Variants in ANO3 observed in about 807,000 individuals in gnomAD.
The protein encoded by ANO3 is anoctamin-3.
ANO3 carries 99 observed loss-of-function variants against 144.8 expected under a neutral mutation model. That is an observed-to-expected ratio of 0.68 (90% CI 0.58 to 0.81). The LOEUF is 0.81. ANO3 is among the 30% of genes least tolerant of loss of function. The pLI is 0.00. For synonymous variants in ANO3, 414 were observed against 392.6 expected (o/e 1.05, Z -0.64); for missense variants, 905 against 1,202.2 (o/e 0.75, Z 3.66).
intron 1 of ANO3, among the ~76,000 whole-genome samples, chr11:26,199,279 A>G (rs1851647545): frequency 6.6e-6 from 1 of 152,154 alleles, no homozygotes; most frequent in Non-Finnish European, 1.5e-5. Context: ...AGCCTCATAT[A>G]GAAATTTAAT....
intron 3 of ANO3, among the ~76,000 whole-genome samples, chr11:26,458,074 GTATTGTAATTTAGTGC>G (rs1859236016): frequency 6.6e-6 from 1 of 152,014 alleles, no homozygotes; most frequent in Admixed American, 6.6e-5. Flanking sequence ...ATAATATTTG[GTATTGTAATTTAGTGC>G]TATTGCTTAA....
At chr11:26,292,408 T>G (rs1187777897) in intron 1 of ANO3, among the ~76,000 whole-genome samples, 1 of 152,192 alleles carries the variant, frequency 6.6e-6, no homozygotes, top group Non-Finnish European at 1.5e-5. Context: ...GAAGCCCACT[T>G]CTGTCAACTC....
At chr11:26,222,369 A>T (rs1447039529) in intron 1 of ANO3, among the ~76,000 whole-genome samples, 1 of 152,188 alleles carries the variant, frequency 6.6e-6, no homozygotes, top group Non-Finnish European at 1.5e-5. Context: ...TGCAGCCCCC[A>T]TGGATACTCT....
intron 18 of ANO3, among the ~76,000 whole-genome samples, chr11:26,633,714 G>A (rs1364690113): frequency 6.6e-6 from 1 of 152,210 alleles, no homozygotes; most frequent in East Asian, 1.9e-4. Context: ...AGTGTGAACA[G>A]TAGATATTAT....
At chr11:26,540,172 A>T (rs1207310930) in intron 10 of ANO3, among the ~76,000 whole-genome samples, 2 of 152,296 alleles carry the variant, frequency 1.3e-5, no homozygotes, top group East Asian at 3.9e-4. Flanking sequence ...TGAAAAAAAA[A>T]TCCTTCAATT....
In ANO3 at chr11:26,634,095, A is replaced by T. The variant is rs79764198; in HGVS notation, c.1874-109A>T. On this transcript the variant is annotated intron_variant, in intron 18 of 26. Coordinates refer to ENST00000256737, the MANE Select transcript of ANO3 (RefSeq NM_031418.4). ...ACTCCATTTCCAAAAAAAAAAAAAA[A>T]AAATTAAATTAAAAAGACAAACTTG... 0.32 allele frequency: 166,263 copies of T among 516,172 alleles called. 22,284 individuals carry two copies. The highest frequency in any genetic ancestry group is 0.35 in the Non-Finnish European group (104,357 of 296,930). The allele number at this position is 516,172 out of a possible 1,614,324, so 32.0% of individuals were successfully genotyped here. A position where few individuals can be genotyped will look rare whatever the true frequency, so the allele number is the denominator to read the frequency against.
At chr11:26,446,110 G>GCATGAGCCA (rs1858694583) in intron 3 of ANO3, among the ~76,000 whole-genome samples, 1 of 152,286 alleles carries the variant, frequency 6.6e-6, no homozygotes, top group East Asian at 1.9e-4. Flanking sequence ...GGGATTACGG[G>GCATGAGCCA]CATGAGCCAC....
chr11:26,299,659 C>T (rs1393981627), intron 1 of ANO3, among the ~76,000 whole-genome samples: 1 of 151,906 alleles, frequency 6.6e-6, no homozygotes, highest in Non-Finnish European at 1.5e-5. Flanking sequence ...TAATTATCAA[C>T]TAGAATGGCA....
chr11:26,365,103 GGCT>G (rs1234664067), intron 1 of ANO3, among the ~76,000 whole-genome samples: 5 of 152,120 alleles, frequency 3.3e-5, no homozygotes, highest in African/African-American at 1.2e-4. Context: ...AAAACAAAGG[GGCT>G]GCAGGCCACA....
upstream of ANO3, among the ~76,000 whole-genome samples, chr11:26,327,534 A>G (rs1275452107): frequency 6.6e-6 from 1 of 152,192 alleles, no homozygotes; most frequent in African/African-American, 2.4e-5. Context: ...GCAAAAGCAG[A>G]CCAATAAGGA....
At chr11:26,415,753 T>C (rs377482823) in intron 1 of ANO3, among the ~76,000 whole-genome samples, 2 of 152,110 alleles carry the variant, frequency 1.3e-5, no homozygotes, top group East Asian at 3.9e-4. Context: ...GCACATGTTC[T>C]CTTTTCCTCT....
rs145274083 is a variant in ANO3 at position 26,489,992 on chromosome 11, G to C, written c.433-18112G>C. On this transcript the variant is annotated intron_variant, in intron 4 of 26. Coordinates refer to ENST00000256737, the MANE Select transcript of ANO3 (RefSeq NM_031418.4). ...GGGGACTGAGGGGAAGGCATGATTG[G>C]TTTTAAAATGTGAGGACATGAGATT... Among the ~76,000 whole-genome samples, 735 of 152,270 alleles carry C rather than the reference G, an allele frequency of 4.8e-3. 4 individuals carry two copies. Among genetic ancestry groups the C allele is most frequent in the Admixed American group, 7.4e-3 (114 of 15,304 alleles).
intron 1 of ANO3, among the ~76,000 whole-genome samples, chr11:26,219,711 G>A (rs1852104094): frequency 6.6e-6 from 1 of 152,116 alleles, no homozygotes; most frequent in Non-Finnish European, 1.5e-5. Context: ...AGTCTGGTGA[G>A]ACAGAACCCT....
intron 17 of ANO3, among the ~76,000 whole-genome samples, chr11:26,610,308 ATT>A (rs34715952): frequency 0.022 from 2,897 of 130,270 alleles, 41 homozygotes; most frequent in Non-Finnish European, 0.032. Context: ...GATGTTGAGC[ATT>A]TTTTTTTTTT....
At chr11:26,525,739 G>A (rs1849146250) in intron 7 of ANO3, 60 bp downstream of exon 7, 1 of 1,293,544 alleles carries the variant, frequency 7.7e-7, no homozygotes, top group Non-Finnish European at 1.1e-6. Context: ...AAAATAAGAA[G>A]ATATTTGATT....
At chr11:26,197,734 G>T (rs1851618164) in intron 1 of ANO3, among the ~76,000 whole-genome samples, 1 of 152,042 alleles carries the variant, frequency 6.6e-6, no homozygotes, top group Admixed American at 6.5e-5. Context: ...ATGGTCCTAA[G>T]TCATACTACC....
At chr11:26,535,829 C>T (rs181051952) in intron 9 of ANO3, among the ~76,000 whole-genome samples, 29 of 151,386 alleles carry the variant, frequency 1.9e-4, no homozygotes, top group Non-Finnish European at 3.4e-4. Context: ...GTGATCTGCC[C>T]GCCTCAGCCT....
intron 12 of ANO3, among the ~76,000 whole-genome samples, chr11:26,551,456 G>A (rs1480406538): frequency 6.6e-6 from 1 of 151,918 alleles, no homozygotes; most frequent in Non-Finnish European, 1.5e-5. Context: ...AATGTCAAAA[G>A]TTTTGTGATG....
At chr11:26,379,854 G>T (rs1177381433) in intron 1 of ANO3, among the ~76,000 whole-genome samples, 1 of 152,128 alleles carries the variant, frequency 6.6e-6, no homozygotes. Flanking sequence ...GAAAGAACTA[G>T]GTGGTGAATT....
Sources: allele counts gnomAD v4.1 joint callset (sites outside exome capture counted in the v4.1 genomes callset), GRCh38; gene constraint gnomAD v4.1.1; transcripts MANE v1.5; gene names NCBI Gene and HGNC (gene_info 2026-07-23, HGNC 2026-07-21).